The following SCHIP1 variants were observed in gnomAD, a reference collection of about 807,000 sequenced individuals.
The protein encoded by SCHIP1 is schwannomin-interacting protein 1.
In SCHIP1, 8 loss-of-function variants were observed where a neutral mutation model predicts 29.7. That is an observed-to-expected ratio of 0.27 (90% confidence interval 0.16 to 0.49). The LOEUF is 0.49. Among genes scored for constraint, SCHIP1 ranks in the 20% least tolerant of loss-of-function variants. The pLI is 0.99. For synonymous variants in SCHIP1, 76 were observed against 94.9 expected (o/e 0.80, Z 1.16); for missense variants, 193 against 294.6 (o/e 0.66, Z 2.52).
chr3:159,589,412 G>A, the SCHIP1 span, among the ~76,000 whole-genome samples: 1 of 152,138 alleles, frequency 6.6e-6, no homozygotes, highest in Non-Finnish European at 1.5e-5. Flanking sequence ...TGCAAACAGG[G>A]ACAATTTGAC....
chr3:159,745,282 C>T, the SCHIP1 span, among the ~76,000 whole-genome samples: 2 of 152,206 alleles, frequency 1.3e-5, no homozygotes, highest in South Asian at 4.1e-4. Flanking sequence ...CTTCTTTGAA[C>T]CTCTTCCAGT....
At chr3:159,851,855 C>G (rs545662023) in intron 1 of SCHIP1, among the ~76,000 whole-genome samples, 1 of 152,190 alleles carries the variant, frequency 6.6e-6, no homozygotes, top group Non-Finnish European at 1.5e-5. Flanking sequence ...AGGGAGATCT[C>G]TTCCAGGGAA....
At chr3:159,717,418 CA>C in the SCHIP1 span, among the ~76,000 whole-genome samples, 1 of 151,964 alleles carries the variant, frequency 6.6e-6, no homozygotes. Flanking sequence ...AAAAACCCTT[CA>C]AAAAAATCAA....
chr3:159,614,334 G>A, the SCHIP1 span, among the ~76,000 whole-genome samples: 2 of 152,102 alleles, frequency 1.3e-5, no homozygotes, highest in Non-Finnish European at 2.9e-5. Context: ...AATTTCTTTG[G>A]CAAAATTATA....
At chr3:159,877,226 T>C (rs1001513749) in intron 2 of SCHIP1, among the ~76,000 whole-genome samples, 1 of 152,122 alleles carries the variant, frequency 6.6e-6, no homozygotes, top group African/African-American at 2.4e-5. Flanking sequence ...GGCGGGCGCC[T>C]ATAATCCCAG....
At chr3:159,487,235 T>A in the SCHIP1 span, among the ~76,000 whole-genome samples, 4 of 152,310 alleles carry the variant, frequency 2.6e-5, no homozygotes, top group Middle Eastern at 0.014. Flanking sequence ...TTTGTTGTGA[T>A]GTGATTGATT....
At chr3:159,353,487 A>T in the SCHIP1 span, among the ~76,000 whole-genome samples, 4 of 152,162 alleles carry the variant, frequency 2.6e-5, no homozygotes, top group African/African-American at 9.7e-5. Context: ...AGGTAGAATT[A>T]GAATAACTGA....
At chr3:159,764,914 C>G in the SCHIP1 span, 1 of 1,525,684 alleles carries the variant, frequency 6.6e-7, no homozygotes, top group Non-Finnish European at 8.8e-7. This position sits in a 1 kb window ranked among gnomAD's most constrained non-coding sequence, Gnocchi z 6.1. Context: ...CCGGGGCCCC[C>G]GCCGGGCGAT....
chr3:159,779,758 T>C, the SCHIP1 span, among the ~76,000 whole-genome samples: 31 of 150,824 alleles, frequency 2.1e-4, no homozygotes, highest in African/African-American at 7.3e-4. Context: ...TTCCTTTTGT[T>C]TAATTTTTTT....
chr3:159,293,803 C>G, the SCHIP1 span, among the ~76,000 whole-genome samples: 2 of 152,068 alleles, frequency 1.3e-5, no homozygotes, highest in Non-Finnish European at 2.9e-5. Context: ...AAAAATAATT[C>G]TCTCTCGGAG....
the SCHIP1 span, among the ~76,000 whole-genome samples, chr3:159,795,535 C>T: frequency 3.3e-5 from 5 of 152,170 alleles, no homozygotes; most frequent in African/African-American, 1.2e-4. Context: ...GGGGTCAGAG[C>T]TGGGACTGGA....
chr3:159,731,221 C>T, the SCHIP1 span, among the ~76,000 whole-genome samples: 1 of 152,208 alleles, frequency 6.6e-6, no homozygotes, highest in African/African-American at 2.4e-5. Flanking sequence ...AAGTATGTTA[C>T]CACAAAAGTG....
the SCHIP1 span, among the ~76,000 whole-genome samples, chr3:159,479,083 C>G: frequency 2.0e-5 from 3 of 151,858 alleles, no homozygotes; most frequent in Non-Finnish European, 4.4e-5. Flanking sequence ...TAAATATTTA[C>G]AAAGGTTTAA....
chr3:159,428,600 A>T, the SCHIP1 span, among the ~76,000 whole-genome samples: 1 of 151,118 alleles, frequency 6.6e-6, no homozygotes, highest in South Asian at 2.1e-4. Flanking sequence ...TGTTGGTGGG[A>T]CTGTAAACTA....
the SCHIP1 span, among the ~76,000 whole-genome samples, chr3:159,629,686 A>T: frequency 0.17 from 26,152 of 152,202 alleles, 6,401 homozygotes; most frequent in African/African-American, 0.54. Flanking sequence ...TGTTGTAGAG[A>T]TTAAACAAAA....
At chr3:159,547,772 T>A in the SCHIP1 span, among the ~76,000 whole-genome samples, 3 of 152,186 alleles carry the variant, frequency 2.0e-5, no homozygotes, top group Non-Finnish European at 4.4e-5. Flanking sequence ...GGTCTATATA[T>A]CTGTTTTGGT....
the SCHIP1 span, among the ~76,000 whole-genome samples, chr3:159,561,315 CT>C: frequency 3.3e-5 from 5 of 152,294 alleles, no homozygotes; most frequent in Admixed American, 3.3e-4. Flanking sequence ...GAAAAATTTA[CT>C]TTTCCCCCAC....
the SCHIP1 span, among the ~76,000 whole-genome samples, chr3:159,295,520 C>A: frequency 6.6e-6 from 1 of 152,146 alleles, no homozygotes; most frequent in African/African-American, 2.4e-5. Flanking sequence ...TTGCTTCCCT[C>A]ACATTCTTCC....
the SCHIP1 span, among the ~76,000 whole-genome samples, chr3:159,779,562 A>G: frequency 2.6e-5 from 4 of 151,786 alleles, no homozygotes; most frequent in African/African-American, 7.3e-5. Context: ...AATCCCAGCT[A>G]TTTGAGAGGC....
Sources: allele counts gnomAD v4.1 joint callset (sites outside exome capture counted in the v4.1 genomes callset), GRCh38; gene constraint gnomAD v4.1.1; non-coding constraint Gnocchi (gnomAD v3.1); transcripts MANE v1.5; gene names NCBI Gene and HGNC (gene_info 2026-07-23, HGNC 2026-07-21).